The following FER variants were observed in gnomAD, a reference collection of about 807,000 sequenced individuals.
The protein encoded by FER is tyrosine-protein kinase Fer.
A neutral mutation model predicts 111.0 loss-of-function variants in FER; 63 were observed. The observed-to-expected ratio is 0.57, with a 90% CI of 0.46 to 0.70. The LOEUF (loss-of-function observed/expected upper bound fraction) is 0.70. FER is among the 30% of genes least tolerant of loss of function. The pLI is 0.00. For synonymous variants in FER, 327 were observed against 313.9 expected (o/e 1.04, Z -0.44); for missense variants, 914 against 954.0 (o/e 0.96, Z 0.55).
At position 109,042,640 on chromosome 5, in the gene FER, G is replaced by T. The variant is rs57118009; in HGVS notation, c.1714-2040G>T. Among the ~76,000 whole-genome samples, 888 of 152,238 alleles carry T rather than the reference G, an allele frequency of 5.8e-3. 10 individuals carry two copies. Among genetic ancestry groups the T allele is most frequent in the African/African-American group, 0.02 (830 of 41,534 alleles). On this transcript the variant is annotated intron_variant, in intron 14 of 19. Transcript: ENST00000281092. Reference sequence around the variant, plus strand: ...AAAATAGGGCAGAAACCATTAGAAAGACACAAAGGGCAATGGGGATAATAT... The same window carrying T: ...AAAATAGGGCAGAAACCATTAGAAATACACAAAGGGCAATGGGGATAATAT...
chr5:108,754,269 G>C (rs965045298), intron 1 of FER, among the ~76,000 whole-genome samples: 1 of 151,896 alleles, frequency 6.6e-6, no homozygotes, highest in African/African-American at 2.4e-5. Context: ...AAATTAGCCC[G>C]ATATGATGGC....
chr5:109,181,468 G>A (rs1225984704), intron 18 of FER, among the ~76,000 whole-genome samples: 1 of 151,926 alleles, frequency 6.6e-6, no homozygotes, highest in Non-Finnish European at 1.5e-5. Context: ...CATTATCTGT[G>A]GTTGGGATGA....
intron 13 of FER, among the ~76,000 whole-genome samples, chr5:109,022,021 C>A (rs1767994467): frequency 6.6e-6 from 1 of 151,984 alleles, no homozygotes; most frequent in African/African-American, 2.4e-5. Flanking sequence ...TAATAATGTC[C>A]TTAGATCCAA....
At chr5:109,086,434 G>A (rs983370469) in intron 16 of FER, among the ~76,000 whole-genome samples, 15 of 151,666 alleles carry the variant, frequency 9.9e-5, no homozygotes, top group East Asian at 1.9e-4. Context: ...TTGTGGGAAT[G>A]GCGGAGAACA....
Position 108,823,305 on chromosome 5 carries a change from A to T in FER, c.208-9465A>T, listed in dbSNP as rs553092589. ...TTTTCTTTGGCTATGTAACCAGAAGAGGGCTTGTTAGATCATATAACAGTT... is the reference window on the plus strand; with the variant it reads ...TTTTCTTTGGCTATGTAACCAGAAGTGGGCTTGTTAGATCATATAACAGTT... On this transcript the variant is annotated intron_variant, in intron 3 of 19. Coordinates refer to ENST00000281092, the MANE Select transcript of FER (RefSeq NM_005246.4). Among the ~76,000 whole-genome samples, 8 of 152,376 alleles carry T rather than the reference A, an allele frequency of 5.3e-5. No individual in the cohort carries two copies. In the East Asian group the frequency reaches 1.5e-3, roughly 29 times the overall value.
chr5:108,839,909 G>T (rs893493004), intron 5 of FER, among the ~76,000 whole-genome samples: 1 of 152,078 alleles, frequency 6.6e-6, no homozygotes, highest in African/African-American at 2.4e-5. Flanking sequence ...TAGTTAATCA[G>T]ATTCTTTATC....
At chr5:108,985,231 T>C (rs1353582757) in intron 13 of FER, among the ~76,000 whole-genome samples, 1 of 152,186 alleles carries the variant, frequency 6.6e-6, no homozygotes. Flanking sequence ...TAACCATATG[T>C]ACAAATATAG....
At chr5:109,060,694 TAAAAA>T (rs1230509914) in intron 16 of FER, among the ~76,000 whole-genome samples, 1 of 150,614 alleles carries the variant, frequency 6.6e-6, no homozygotes, top group African/African-American at 2.4e-5. Flanking sequence ...AAAAAAGAAA[TAAAAA>T]AAATTAAAAA....
intron 9 of FER, among the ~76,000 whole-genome samples, chr5:108,891,976 C>G (rs1748148771): frequency 6.6e-6 from 1 of 152,088 alleles, no homozygotes. Flanking sequence ...TCATCCATGT[C>G]CCTACAAAGG....
At chr5:109,028,439 A>G (rs1769098886) in intron 13 of FER, among the ~76,000 whole-genome samples, 1 of 152,360 alleles carries the variant, frequency 6.6e-6, no homozygotes. Context: ...TTGCATCATT[A>G]TCTCTGAACT....
intron 13 of FER, among the ~76,000 whole-genome samples, chr5:108,998,569 G>C (rs550195552): frequency 1.3e-5 from 2 of 152,118 alleles, no homozygotes; most frequent in African/African-American, 4.8e-5. Context: ...CTGCAGACTG[G>C]AGCTGTTCCT....
intron 3 of FER, among the ~76,000 whole-genome samples, chr5:108,815,463 T>C (rs1181248476): frequency 3.3e-5 from 5 of 152,170 alleles, no homozygotes; most frequent in African/African-American, 1.2e-4. Flanking sequence ...TAAGAAATGA[T>C]ATCTAGGGTG....
chr5:109,023,524 G>T (rs1359502807), intron 13 of FER, among the ~76,000 whole-genome samples: 1 of 151,996 alleles, frequency 6.6e-6, no homozygotes, highest in Non-Finnish European at 1.5e-5. Context: ...TTCCAGTTGT[G>T]CCTTTTGTCG....
intron 16 of FER, among the ~76,000 whole-genome samples, chr5:109,094,895 A>C (rs141956109): frequency 6.6e-6 from 1 of 152,180 alleles, no homozygotes; most frequent in Non-Finnish European, 1.5e-5. Flanking sequence ...TTCTAATGCA[A>C]ACATTCTGAG....
intron 3 of FER, among the ~76,000 whole-genome samples, chr5:108,805,517 C>T (rs914020850): frequency 6.6e-6 from 1 of 152,118 alleles, no homozygotes; most frequent in Non-Finnish European, 1.5e-5. Context: ...CAGAAGAAGA[C>T]AGGAAAATGT....
chr5:109,088,688 A>G (rs1245453573), intron 16 of FER, among the ~76,000 whole-genome samples: 2 of 152,164 alleles, frequency 1.3e-5, no homozygotes, highest in African/African-American at 2.4e-5. Flanking sequence ...TAAATCATTA[A>G]GCTAAATAAA....
intron 13 of FER, among the ~76,000 whole-genome samples, chr5:108,982,794 A>C (rs995534428): frequency 6.6e-6 from 1 of 151,882 alleles, no homozygotes; most frequent in African/African-American, 2.4e-5. Flanking sequence ...CAATTATCAG[A>C]TATTCCCTAC....
intron 13 of FER, among the ~76,000 whole-genome samples, chr5:109,012,056 C>A (rs569062434): frequency 2.2e-4 from 34 of 152,310 alleles, no homozygotes; most frequent in Middle Eastern, 6.8e-3. Flanking sequence ...AGTCCTTGAT[C>A]AAAGTAACCA....
intron 16 of FER, among the ~76,000 whole-genome samples, chr5:109,097,120 A>T (rs1747637536): frequency 6.6e-6 from 1 of 151,732 alleles, no homozygotes; most frequent in African/African-American, 2.4e-5. Flanking sequence ...AATAAATGGT[A>T]TTAAATGTCT....
Sources: gnomAD v4.1 joint callset for allele counts (sites outside exome capture counted in the v4.1 genomes callset) on GRCh38, gnomAD v4.1.1 for gene constraint, MANE v1.5 for transcripts, NCBI Gene and HGNC (gene_info 2026-07-23, HGNC 2026-07-21) for gene names.